ERMP1: variants seen among roughly 807,000 people sequenced by gnomAD.
ERMP1 encodes the protein endoplasmic reticulum metallopeptidase 1, also known as Felix-ina.
In ERMP1, 86 loss-of-function variants were observed where a neutral mutation model predicts 92.0. The ratio of observed to expected loss-of-function variants is 0.93; its 90% CI spans 0.79 to 1.12. The LOEUF (loss-of-function observed/expected upper bound fraction) is 1.12, where lower values mean the gene tolerates loss of function less well. Ranked by LOEUF, ERMP1 falls within the 50% of genes most tolerant of loss-of-function variation. The pLI is 0.00. For missense variants in ERMP1, 1,342 were observed against 1,116.3 expected (o/e 1.20, Z -2.88); for synonymous variants, 530 against 412.8 (o/e 1.28, Z -3.44).
At chr9:5,789,193 C>A (rs1278519198) in intron 13 of ERMP1, among the ~76,000 whole-genome samples, 1 of 151,784 alleles carries the variant, frequency 6.6e-6, no homozygotes, top group Non-Finnish European at 1.5e-5. Flanking sequence ...AATATTAACA[C>A]AGAACAAACA....
At chr9:5,861,228 A>G (rs1830485884) in intron 5 of ERMP1, among the ~76,000 whole-genome samples, 1 of 131,532 alleles carries the variant, frequency 7.6e-6, no homozygotes, top group Non-Finnish European at 1.7e-5. Flanking sequence ...TGTAAAAGCT[A>G]AGAAAAAGTA....
chr9:5,831,154 C>T (rs535566165), intron 1 of ERMP1, 126 bp from the exon 2 acceptor site: 5 of 657,184 alleles, frequency 7.6e-6, no homozygotes, highest in African/African-American at 3.7e-5. Flanking sequence ...TAAAAGGGAC[C>T]GCCTTTCATT....
intron 6 of ERMP1, among the ~76,000 whole-genome samples, chr9:5,845,404 T>C (rs1830223240): frequency 6.6e-6 from 1 of 152,012 alleles, no homozygotes; most frequent in South Asian, 2.1e-4. Flanking sequence ...TTCAAAATAA[T>C]AATAATATTA....
At position 5,830,868 on chromosome 9, in the gene ERMP1, A is replaced by G; in HGVS notation, c.499T>C (p.Ser167Pro). The G allele has an allele frequency of 1.2e-6, 2 of 1,614,116 alleles. No individual in the cohort carries two copies. Among genetic ancestry groups the G allele is most frequent in the Non-Finnish European group, 1.7e-6 (2 of 1,179,984 alleles). The change falls in exon 2 of 15, where the codon TCT becomes CCT. Residue 167 changes from serine (S) to proline (P), a missense_variant. Coordinates refer to ENST00000339450, the MANE Select transcript of ERMP1 (RefSeq NM_024896.3). The part of the protein sequence containing the change: ...ISVDVQRPTG[S>P]FSIDFLGGFT... ...CCTCCCAAGAAATCAATGCTAAAAGAGCCTGTGGGCCGTTGTACATCTACT... is the reference window on the plus strand; with the variant it reads ...CCTCCCAAGAAATCAATGCTAAAAGGGCCTGTGGGCCGTTGTACATCTACT...
chr9:5,814,067 A>C (rs1274979100), intron 4 of ERMP1, among the ~76,000 whole-genome samples: 3 of 152,142 alleles, frequency 2.0e-5, no homozygotes, highest in Non-Finnish European at 1.5e-5. Context: ...TCTAGCCAAC[A>C]GACTGTGAGG....
intron 1 of ERMP1, among the ~76,000 whole-genome samples, chr9:5,831,322 C>G (rs1829930591): frequency 6.6e-6 from 1 of 152,160 alleles, no homozygotes; most frequent in Non-Finnish European, 1.5e-5. Flanking sequence ...CGTGTGACCA[C>G]TGGCCAGGCA....
Position 5,801,156 on chromosome 9 carries a change from C to T in ERMP1, c.2067+20G>A. ...GGGCTTCCTTTCCAGATCTCAAATACCTCATGCAAAACTGCTCACCTGAAG... is the reference window on the plus strand; with the variant it reads ...GGGCTTCCTTTCCAGATCTCAAATATCTCATGCAAAACTGCTCACCTGAAG... On this transcript the variant is annotated intron_variant, in intron 11 of 14. Transcript: ENST00000339450. The T allele has an allele frequency of 6.3e-7, 1 of 1,599,484 alleles. No homozygotes were observed. The highest frequency in any genetic ancestry group is 8.5e-7 in the Non-Finnish European group (1 of 1,174,164).
chr9:5,815,010 A>G (rs529134989), intron 4 of ERMP1, among the ~76,000 whole-genome samples: 13 of 152,296 alleles, frequency 8.5e-5, no homozygotes, highest in African/African-American at 3.1e-4. Flanking sequence ...AGAAGAAAGG[A>G]TTAAAATTAA....
chr9:5,805,496 T>G lies in ERMP1; in HGVS notation c.1723+115A>C, dbSNP rs116623795. ...ATAATTTGTGTGGTATGAAAACTTT[T>G]AAAAACTAACAATTTAGAAAGCCTA... On this transcript the variant is annotated intron_variant, in intron 9 of 14. Coordinates refer to ENST00000339450, the MANE Select transcript of ERMP1 (RefSeq NM_024896.3). 56 of 946,682 alleles carry G rather than the reference T, an allele frequency of 5.9e-5. No individual in the cohort carries two copies. The African/African-American group carries it at 8.9e-4, about 15-fold the overall frequency. 58.6% of individuals were successfully genotyped at this position (946,682 alleles called of 1,614,324 possible).
At position 5,810,101 on chromosome 9, in the gene ERMP1, G is replaced by A. The variant is rs772855387; in HGVS notation, c.1458C>T (p.Asn486=). 1.9e-6 allele frequency: 3 copies of A among 1,613,832 alleles called. No individual in the cohort carries two copies. Among genetic ancestry groups the A allele is most frequent in the Non-Finnish European group, 2.5e-6 (3 of 1,179,730 alleles). ...SLIGQSLSWY[N]HFYVSVCLYG... ...ACAGACAAACGGAGACATAGAAGTGGTTATACCATGAGAGAGACTGTCCAA... is the reference window on the plus strand; with the variant it reads ...ACAGACAAACGGAGACATAGAAGTGATTATACCATGAGAGAGACTGTCCAA... The change falls in exon 8 of 15, where the codon AAC becomes AAT. Residue 486 remains asparagine (N), a synonymous_variant. Coordinates refer to ENST00000339450, the MANE Select transcript of ERMP1 (RefSeq NM_024896.3).
In ERMP1 at chr9:5,830,723, A is replaced by C; in HGVS notation, c.640+4T>G. On this transcript the variant is annotated splice_donor_region_variant and intron_variant, in intron 2 of 14. Coordinates refer to ENST00000339450, the MANE Select transcript of ERMP1 (RefSeq NM_024896.3). The stretch of plus-strand genomic sequence containing the variant: ...TTCCAAATGACTAAAAAACAGGTAC[A>C]TACCTGGTGAGTTTGCTACTGAGTC... The C allele has an allele frequency of 1.2e-6, 2 of 1,605,504 alleles. No homozygotes were observed. Among genetic ancestry groups the C allele is most frequent in the Non-Finnish European group, 1.7e-6 (2 of 1,174,580 alleles).
At position 5,801,240 on chromosome 9, in the gene ERMP1, C is replaced by A. The variant is rs961536341; in HGVS notation, c.2003G>T (p.Ser668Ile). ...GGAGCTATATGGAAAAAATGTTCCA[C>A]TGCAAACAAGGAGGAATGTAATTGC... Reference protein sequence around the residue: ...VCAITFLLVCSGTFFPYSSNP... With the variant: ...VCAITFLLVCIGTFFPYSSNP... Residue 668 changes from serine (S) to isoleucine (I), a missense_variant, in exon 11 of 15, where the codon AGT (serine) becomes ATT (isoleucine). By Grantham distance (142) the Ser-to-Ile change is moderately radical (BLOSUM62 -2). Coordinates refer to ENST00000339450, the MANE Select transcript of ERMP1 (RefSeq NM_024896.3). The A allele has an allele frequency of 6.2e-7, 1 of 1,613,944 alleles. No individual in the cohort carries two copies. Among genetic ancestry groups the A allele is most frequent in the Non-Finnish European group, 8.5e-7 (1 of 1,179,910 alleles).
chr9:5,858,997 T>C (rs1380082758), intron 6 of ERMP1, among the ~76,000 whole-genome samples: 1 of 152,232 alleles, frequency 6.6e-6, no homozygotes, highest in Non-Finnish European at 1.5e-5. Flanking sequence ...AATTTCATAC[T>C]TGCAAGAACC....
Position 5,840,561 on chromosome 9 carries a change from G to A in ERMP1, n.3200-7249C>T, listed in dbSNP as rs536399477. ...CCCCCAGGGCCAGAAAGACTGCATA[G>A]CACCTTGCCACACCACATTGGAAAA... On this transcript the variant is annotated intron_variant and non_coding_transcript_variant, in intron 6 of 6. Coordinates refer to the ERMP1 transcript ENST00000690753. 2.8e-4 allele frequency among the ~76,000 whole-genome samples: 42 copies of A among 152,336 alleles called. 2 individuals carry two copies. The South Asian group carries it at 8.3e-3, about 30-fold the overall frequency.
Position 5,830,805 on chromosome 9 carries a change from C to A in ERMP1, c.562G>T (p.Val188Leu). 1 of 1,614,006 alleles carries A rather than the reference C, an allele frequency of 6.2e-7. No homozygotes were observed. The highest frequency in any genetic ancestry group is 2.2e-5 in the East Asian group (1 of 44,888). ...GCTCCATCTCTGGGTTCCAGCTTTA[C>A]CACAACATTGGTGATGTTGTCATAA... is the stretch of plus-strand genomic sequence containing the variant. Reference protein sequence around the residue: ...SYYDNITNVVVKLEPRDGAQH... With the variant: ...SYYDNITNVVLKLEPRDGAQH... The change falls in exon 2 of 15, where the codon GTA becomes TTA. Residue 188 changes from valine (V) to leucine (L), a missense_variant. Coordinates refer to ENST00000339450, the MANE Select transcript of ERMP1 (RefSeq NM_024896.3).
chr9:5,835,446 G>C (rs1419995419), upstream of ERMP1, among the ~76,000 whole-genome samples: 1 of 152,244 alleles, frequency 6.6e-6, no homozygotes, highest in Non-Finnish European at 1.5e-5. Flanking sequence ...AAAAGCTGCT[G>C]TTTTATTAGG....
intron 3 of ERMP1, among the ~76,000 whole-genome samples, chr9:5,824,795 C>A (rs770561323): frequency 6.6e-6 from 1 of 152,204 alleles, no homozygotes; most frequent in Non-Finnish European, 1.5e-5. Context: ...CAAAACATCT[C>A]TGAAACTTCA....
chr9:5,822,545 T>G (rs1829580766), intron 4 of ERMP1, among the ~76,000 whole-genome samples: 1 of 152,178 alleles, frequency 6.6e-6, no homozygotes, highest in African/African-American at 2.4e-5. Flanking sequence ...CTTAGCATAG[T>G]TTCATAATTT....
intron 13 of ERMP1, among the ~76,000 whole-genome samples, chr9:5,796,959 G>A (rs1828450039): frequency 6.6e-6 from 1 of 152,148 alleles, no homozygotes; most frequent in African/African-American, 2.4e-5. Context: ...GACATTAATA[G>A]AGGAAAATCG....
Sources: allele counts gnomAD v4.1 joint callset (sites outside exome capture counted in the v4.1 genomes callset), GRCh38; gene constraint gnomAD v4.1.1; transcripts MANE v1.5; gene names NCBI Gene and HGNC (gene_info 2026-07-23, HGNC 2026-07-21).